The following ABCB9 variants were observed in gnomAD, a reference collection of about 807,000 sequenced individuals.
The protein encoded by ABCB9 is ABC-type oligopeptide transporter ABCB9.
Under a neutral mutation model 62.0 loss-of-function variants are expected in ABCB9, and 36 were observed. The observed-to-expected ratio is 0.58, with a 90% CI of 0.45 to 0.77. ABCB9 has a LOEUF of 0.77. Among genes scored for constraint, ABCB9 ranks in the 30% least tolerant of loss-of-function variants. The probability of loss-of-function intolerance (pLI) is 0.00; values close to 1 mark genes in which losing one functional copy is unlikely to be tolerated. For synonymous variants in ABCB9, 435 were observed against 461.4 expected (o/e 0.94, Z 0.73); for missense variants, 943 against 1,054.7 (o/e 0.89, Z 1.47).
chr12:122,946,009 G>A lies in ABCB9; in HGVS notation c.1251+16C>T. The A allele has an allele frequency of 6.2e-7, 1 of 1,612,292 alleles. No homozygotes were observed. Among genetic ancestry groups the A allele is most frequent in the Non-Finnish European group, 8.5e-7 (1 of 1,179,594 alleles). On this transcript the variant is annotated intron_variant, in intron 6 of 11. Transcript: ENST00000280560. The stretch of plus-strand genomic sequence containing the variant: ...CATCCCTCCACAGCCAGAGCTGCCT[G>A]GCCAGGGGCACGTACCCCGCTGCCC...
At chr12:122,961,786 T>C (rs1026577770) in intron 1 of ABCB9, among the ~76,000 whole-genome samples, 6 of 152,242 alleles carry the variant, frequency 3.9e-5, no homozygotes, top group African/African-American at 7.2e-5. Context: ...TACTCATTTC[T>C]CTGAACCTGT....
upstream of ABCB9, among the ~76,000 whole-genome samples, chr12:122,968,540 GA>G (rs2037235219): frequency 6.6e-6 from 1 of 151,622 alleles, no homozygotes; most frequent in South Asian, 2.1e-4. Context: ...GAAACGGACA[GA>G]AACAATTCGG....
Position 122,930,207 on chromosome 12 carries a change from G to A in ABCB9, c.2041-36C>T, listed in dbSNP as rs372937251. The stretch of plus-strand genomic sequence containing the variant: ...AGTGGGGGCCTGGCTTGCATGGCAC[G>A]GACGCCCCACCCGCAACCGTGCTTC... On this transcript the variant is annotated intron_variant, in intron 11 of 11. Transcript: ENST00000280560. The surrounding 1 kb of genome is among the most constrained non-coding windows in gnomAD (Gnocchi z 4.9). 1.9e-5 allele frequency: 29 copies of A among 1,509,028 alleles called. No homozygotes were observed. The highest frequency in any genetic ancestry group is 1.2e-4 in the East Asian group (5 of 40,274). 93.5% of individuals were successfully genotyped at this position (1,509,028 alleles called of 1,614,324 possible).
At chr12:122,953,753 C>T (rs953225688) in intron 2 of ABCB9, among the ~76,000 whole-genome samples, 2 of 151,978 alleles carry the variant, frequency 1.3e-5, no homozygotes, top group African/African-American at 4.8e-5. Context: ...AACTCTTGAC[C>T]TCAAGTGATC....
At chr12:122,942,063 C>A (rs2135813402) in intron 7 of ABCB9, among the ~76,000 whole-genome samples, 1 of 152,104 alleles carries the variant, frequency 6.6e-6, no homozygotes, top group Non-Finnish European at 1.5e-5. Context: ...TAGGTTCTAA[C>A]ATTATCTCCT....
chr12:122,950,256 A>G (rs887314935), intron 3 of ABCB9, among the ~76,000 whole-genome samples, 195 bp downstream of exon 3: 7 of 152,156 alleles, frequency 4.6e-5, no homozygotes, highest in Admixed American at 3.3e-4. Flanking sequence ...CTTTTCAGGG[A>G]CCAGAGGGTG....
chr12:122,924,911 G>A, downstream of ABCB9: 6 of 1,259,032 alleles, frequency 4.8e-6, no homozygotes, highest in Non-Finnish European at 6.7e-6. Context: ...CCAGGATGGT[G>A]ACAATTTTAT....
chr12:122,929,367 CAG>C lies in ABCB9; in HGVS notation c.*542_*543del. ...CTCCACGCTCCCTACCCGCCCTGGC[CAG>C]ACTCACAGAGCTGGCAAGAGGGAGA... On this transcript the variant is annotated 3_prime_UTR_variant, in exon 12 of 12. Coordinates refer to ENST00000280560, the MANE Select transcript of ABCB9 (RefSeq NM_019625.4). This position sits in a 1 kb window ranked among gnomAD's most constrained non-coding sequence, Gnocchi z 6.0. 6.1e-6 allele frequency: 6 copies of C among 986,120 alleles called. No homozygotes were observed. The highest frequency in any genetic ancestry group is 7.2e-6 in the Non-Finnish European group (6 of 830,136). 61.1% of individuals were successfully genotyped at this position (986,120 alleles called of 1,614,324 possible).
At chr12:122,963,566 G>C (rs938058401) in intron 1 of ABCB9, among the ~76,000 whole-genome samples, 1 of 151,952 alleles carries the variant, frequency 6.6e-6, no homozygotes, top group Non-Finnish European at 1.5e-5. Flanking sequence ...CACAGAGTTG[G>C]GTCACAAGCT....
chr12:122,960,014 C>T lies in ABCB9; in HGVS notation c.222G>A (p.Leu74=), dbSNP rs2036810878. The change falls in exon 2 of 12, where the codon CTG becomes CTA. Residue 74 remains leucine (L), a synonymous_variant. Transcript: ENST00000280560. ...ACGAGGCCCGCAGCCGCCGGGGCCC[C>T]AGCGCACTGTTCTTGGCCACACCAA... ...ATIGVAKNSA[L]GPRRLRASWL... is the part of the protein sequence containing the mutation. The T allele has an allele frequency of 6.2e-7, 1 of 1,613,390 alleles. No homozygotes were observed. The highest frequency in any genetic ancestry group is 8.5e-7 in the Non-Finnish European group (1 of 1,180,044).
intron 5 of ABCB9, 84 bp downstream of exon 5, chr12:122,948,540 T>G (rs1290318400): frequency 6.8e-6 from 9 of 1,313,954 alleles, no homozygotes; most frequent in Non-Finnish European, 9.2e-6. Flanking sequence ...TCACTAGCCC[T>G]TAGTGGCCCC....
Position 122,944,588 on chromosome 12 carries a change from C to A in ABCB9, c.1252-69G>T. The stretch of plus-strand genomic sequence containing the variant: ...TCCCCCACCATCCCCATTCCCTGAC[C>A]CATCCCAGGCTGCAGGGGGAGGTGA... On this transcript the variant is annotated intron_variant, in intron 6 of 11. Transcript: ENST00000280560. This position sits in a 1 kb window ranked among gnomAD's most constrained non-coding sequence, Gnocchi z 4.9. The A allele has an allele frequency of 6.3e-7, 1 of 1,578,006 alleles. No individual in the cohort carries two copies. The highest frequency in any genetic ancestry group is 8.6e-7 in the Non-Finnish European group (1 of 1,159,474).
At chr12:122,950,599 C>A in intron 2 of ABCB9, 34 bp from the exon 3 acceptor site, 1 of 1,563,040 alleles carries the variant, frequency 6.4e-7, no homozygotes, top group Non-Finnish European at 8.7e-7. Context: ...GGGACGTCTG[C>A]AGCCAGGGGA....
downstream of ABCB9, among the ~76,000 whole-genome samples, chr12:122,919,881 GTTTATTTA>G (rs200114805): frequency 0.046 from 6,448 of 138,804 alleles, 196 homozygotes; most frequent in South Asian, 0.067. Context: ...CTGTTTGTTT[GTTTATTTA>G]TTTATTTATT....
At chr12:122,956,141 G>C (rs1291233405) in intron 2 of ABCB9, among the ~76,000 whole-genome samples, 2 of 152,202 alleles carry the variant, frequency 1.3e-5, no homozygotes, top group Non-Finnish European at 2.9e-5. Flanking sequence ...AGGAGAAACT[G>C]CCTGGTTTAA....
chr12:122,925,470 CG>C, downstream of ABCB9, among the ~76,000 whole-genome samples: 1 of 151,672 alleles, frequency 6.6e-6, no homozygotes. Context: ...AATGTTGGGC[CG>C]GGCGCGGTGG....
At chr12:122,937,502 A>G (rs762834108) in intron 9 of ABCB9, among the ~76,000 whole-genome samples, 3 of 152,330 alleles carry the variant, frequency 2.0e-5, no homozygotes, top group South Asian at 2.1e-4. Flanking sequence ...ATAAGCTACC[A>G]CTACATTCTC....
At position 122,959,524 on chromosome 12, in the gene ABCB9, A is replaced by G. The variant is rs2135908065; in HGVS notation, c.601+111T>C. 11 of 1,484,992 alleles carry G rather than the reference A, an allele frequency of 7.4e-6. No individual in the cohort carries two copies. The highest frequency in any genetic ancestry group is 4.6e-5 in the East Asian group (2 of 43,442). 92.0% of individuals were successfully genotyped at this position (1,484,992 alleles called of 1,614,324 possible). A position where few individuals can be genotyped will look rare whatever the true frequency, so the allele number is the denominator to read the frequency against. ...CTATGCCTGGCCTCTTTTCCTTTTCATATCAATTTGATGTCTGAACCACGT... is the reference window on the plus strand; with the variant it reads ...CTATGCCTGGCCTCTTTTCCTTTTCGTATCAATTTGATGTCTGAACCACGT... On this transcript the variant is annotated intron_variant, in intron 2 of 11. Transcript: ENST00000280560. This position sits in a 1 kb window ranked among gnomAD's most constrained non-coding sequence, Gnocchi z 5.4.
chr12:122,959,938 T>G lies in ABCB9; in HGVS notation c.298A>C (p.Lys100Gln), dbSNP rs1331706106. ...CLFVGIYAMVKLLLFSEVRRP... is the reference protein window; with the variant it reads ...CLFVGIYAMVQLLLFSEVRRP... Reference sequence around the variant, plus strand: ...CGCACCTCTGAGAAGAGCAGCAGCTTCACCATGGCATAGATGCCCACGAAG... The same window carrying G: ...CGCACCTCTGAGAAGAGCAGCAGCTGCACCATGGCATAGATGCCCACGAAG... Residue 100 changes from lysine to glutamine, a missense_variant, in exon 2 of 12, where the codon AAG becomes CAG. By Grantham distance (53) the Lys-to-Gln change is moderately conservative. Coordinates refer to ENST00000280560, the MANE Select transcript of ABCB9 (RefSeq NM_019625.4). This position sits in a 1 kb window ranked among gnomAD's most constrained non-coding sequence, Gnocchi z 5.4. 1.9e-6 allele frequency: 3 copies of G among 1,613,276 alleles called. No homozygotes were observed. In the South Asian group the frequency reaches 3.3e-5, roughly 18 times the overall value.
Sources: allele counts gnomAD v4.1 joint callset (sites outside exome capture counted in the v4.1 genomes callset), GRCh38; gene constraint gnomAD v4.1.1; non-coding constraint Gnocchi (gnomAD v3.1); transcripts MANE v1.5; gene names NCBI Gene and HGNC (gene_info 2026-07-23, HGNC 2026-07-21).